Variants in PIK3C2B observed in about 807,000 individuals in gnomAD.
The protein encoded by PIK3C2B is phosphatidylinositol-4-phosphate 3-kinase catalytic subunit type 2 beta.
Under a neutral mutation model 184.3 loss-of-function variants are expected in PIK3C2B, and 83 were observed. The observed-to-expected ratio is 0.45, with a 90% CI of 0.38 to 0.54. PIK3C2B has a LOEUF of 0.54. PIK3C2B is among the 20% of genes least tolerant of loss of function. The pLI, the probability that PIK3C2B is intolerant of heterozygous loss-of-function variation, is 0.00. For missense variants in PIK3C2B, 1,736 were observed against 2,113.5 expected (o/e 0.82, Z 3.50); for synonymous variants, 779 against 837.6 (o/e 0.93, Z 1.21).
Position 204,466,059 on chromosome 1 carries a change from C to T in PIK3C2B, c.934-740G>A, listed in dbSNP as rs374522827. Among the ~76,000 whole-genome samples the T allele has an allele frequency of 6.8e-4, 104 of 152,326 alleles. No individual in the cohort carries two copies. The South Asian group carries it at 0.021, about 31-fold the overall frequency. ...TAGGATTCTCAGACAAGGTCCCAAA[C>T]GGTCTCCCATCCCAGAGCTGCTTTC... On this transcript the variant is annotated intron_variant, in intron 2 of 32. Transcript: ENST00000684373.
Position 204,469,393 on chromosome 1 carries a change from C to A in PIK3C2B, c.410G>T (p.Gly137Val), listed in dbSNP as rs1452677145. ...CCCTGGTCCTGGGGACGAAGAGACTCCCCCATCTGAACCATCAAAAATGTA... is the reference window on the plus strand; with the variant it reads ...CCCTGGTCCTGGGGACGAAGAGACTACCCCATCTGAACCATCAAAAATGTA... The part of the protein sequence containing the change: ...YLYIFDGSDG[G>V]VSSSPGPGDI... Residue 137 changes from glycine to valine, a missense_variant, in exon 2 of 33, where the codon GGA (glycine) becomes GTA (valine). Physicochemically the swap from Gly to Val is moderately radical, Grantham distance 109. Transcript: ENST00000684373. The A allele has an allele frequency of 2.0e-6, 3 of 1,537,476 alleles. No individual in the cohort carries two copies. Among genetic ancestry groups the A allele is most frequent in the Non-Finnish European group, 2.6e-6 (3 of 1,146,696 alleles).
At chr1:204,434,340 G>T in intron 24 of PIK3C2B, 99 bp downstream of exon 24, 1 of 1,066,302 alleles carries the variant, frequency 9.4e-7, no homozygotes, top group Non-Finnish European at 1.4e-6. Flanking sequence ...ATGATCTGAG[G>T]CCCAGCTGCT....
At chr1:204,431,837 C>A (rs753984039) in intron 27 of PIK3C2B, 44 bp from the exon 28 acceptor site, 1 of 1,613,432 alleles carries the variant, frequency 6.2e-7, no homozygotes, top group South Asian at 1.1e-5. Context: ...GAGCCCTCTG[C>A]ACCCAGTGAA....
intron 12 of PIK3C2B, among the ~76,000 whole-genome samples, chr1:204,450,284 C>G (rs369780596): frequency 6.6e-6 from 1 of 152,192 alleles, no homozygotes; most frequent in Non-Finnish European, 1.5e-5. Context: ...TGAAGCTACC[C>G]GTGGTGCCTG....
At chr1:204,428,084 A>G in intron 30 of PIK3C2B, 55 bp downstream of exon 30, 2 of 996,494 alleles carry the variant, frequency 2.0e-6, no homozygotes, top group Non-Finnish European at 1.6e-6. Flanking sequence ...AGAAGCAGTT[A>G]CCCTTGGGGT....
In PIK3C2B at chr1:204,455,852, T is replaced by C. The variant is rs376160285; in HGVS notation, c.1943+4A>G. The C allele has an allele frequency of 8.7e-5, 140 of 1,608,530 alleles. No homozygotes were observed. The African/African-American group carries it at 1.7e-3, about 20-fold the overall frequency. On this transcript the variant is annotated splice_donor_region_variant and intron_variant, in intron 11 of 32. Coordinates refer to ENST00000684373, the MANE Select transcript of PIK3C2B (RefSeq NM_001377334.1). ...CCCTAGCGGCTACTCAGCCCTGGGC[T>C]CACCTGGTAGCCCAGATGATGGGGA...
Position 204,433,883 on chromosome 1 carries a change from G to A in PIK3C2B, c.3753C>T (p.Ser1251=), listed in dbSNP as rs775014316. 2.5e-6 allele frequency: 4 copies of A among 1,614,056 alleles called. No individual in the cohort carries two copies. The highest frequency in any genetic ancestry group is 3.4e-6 in the Non-Finnish European group (4 of 1,179,930). ...AYVINGGDKP[S]SRFHDFVDLC... is the part of the protein sequence containing the mutation. ...GGTCAACAAAATCATGGAAGCGGCT[G>A]GAAGGCTTGTCACCCCCGTTGATGA... The change falls in exon 25 of 33, where the codon TCC becomes TCT. Residue 1251 remains serine (S), a synonymous_variant. Coordinates refer to ENST00000684373, the MANE Select transcript of PIK3C2B (RefSeq NM_001377334.1). The surrounding 1 kb of genome is among the most constrained non-coding windows in gnomAD (Gnocchi z 5.0).
chr1:204,428,382 A>G (rs932935044), intron 29 of PIK3C2B, among the ~76,000 whole-genome samples, 162 bp from the exon 30 acceptor site: 1 of 152,234 alleles, frequency 6.6e-6, no homozygotes, highest in African/African-American at 2.4e-5. Context: ...AGTAAAAGGA[A>G]TTTGGGGGAT....
chr1:204,475,014 C>G (rs1656607156), intron 1 of PIK3C2B, among the ~76,000 whole-genome samples: 1 of 152,074 alleles, frequency 6.6e-6, no homozygotes, highest in Non-Finnish European at 1.5e-5. Flanking sequence ...TTCCTTCTAT[C>G]CTAACTGTGG....
In PIK3C2B at chr1:204,472,468, G is replaced by A. The variant is rs373681628; in HGVS notation, c.-84-2582C>T. 3.2e-4 allele frequency among the ~76,000 whole-genome samples: 48 copies of A among 151,240 alleles called. 1 individual carries two copies. Among genetic ancestry groups the A allele is most frequent in the Non-Finnish European group, 6.2e-4 (42 of 67,738 alleles). ...GTGAGCCACCGCACCCGGCCCGACT[G>A]GGGGAAGTTTTAAAAAGTACCGAAG... On this transcript the variant is annotated intron_variant, in intron 1 of 32. Transcript: ENST00000684373.
chr1:204,482,052 A>G (rs1173527134), intron 1 of PIK3C2B, among the ~76,000 whole-genome samples: 5 of 148,698 alleles, frequency 3.4e-5, no homozygotes, highest in East Asian at 2.0e-4. Flanking sequence ...CCAACCCAAC[A>G]GGCCCTGGAA....
At chr1:204,455,373 A>G (rs1312797629) in intron 11 of PIK3C2B, among the ~76,000 whole-genome samples, 2 of 152,132 alleles carry the variant, frequency 1.3e-5, no homozygotes, top group African/African-American at 2.4e-5. Flanking sequence ...CCCAGTGCCT[A>G]TTCCCTCAGG....
intron 21 of PIK3C2B, among the ~76,000 whole-genome samples, 185 bp from the exon 22 acceptor site, chr1:204,440,506 T>C (rs973155898): frequency 6.6e-6 from 1 of 151,836 alleles, no homozygotes; most frequent in African/African-American, 2.4e-5. Flanking sequence ...AGTTTGCCCA[T>C]GTGTTGTTCC....
chr1:204,450,080 C>G, intron 12 of PIK3C2B, 63 bp from the exon 13 acceptor site: 1 of 1,407,618 alleles, frequency 7.1e-7, no homozygotes, highest in Non-Finnish European at 9.6e-7. Flanking sequence ...AACAGGTGGC[C>G]CAGGAAGTCA....
Position 204,433,817 on chromosome 1 carries a change from G to A in PIK3C2B, c.3819C>T (p.His1273=), listed in dbSNP as rs933356322. ...QAYNLIRKHT[H]LFLNLLGLML... ...CCAGGCCCAGAAGGTTGAGGAAGAG[G>A]TGGGTGTGCTTGCGAATGAGGTTGT... The change falls in exon 25 of 33, where the codon CAC becomes CAT. Residue 1273 remains histidine (H), a synonymous_variant. Transcript: ENST00000684373. This position sits in a 1 kb window ranked among gnomAD's most constrained non-coding sequence, Gnocchi z 5.0. 43 of 1,614,196 alleles carry A rather than the reference G, an allele frequency of 2.7e-5. No individual in the cohort carries two copies. Among genetic ancestry groups the A allele is most frequent in the Non-Finnish European group, 3.6e-5 (43 of 1,180,004 alleles).
intron 5 of PIK3C2B, among the ~76,000 whole-genome samples, chr1:204,462,013 C>T (rs896902293): frequency 3.3e-5 from 5 of 152,170 alleles, no homozygotes; most frequent in African/African-American, 9.7e-5. Flanking sequence ...GGTCTGGGGG[C>T]TGGGCCAGGA....
chr1:204,469,833 C>A lies in PIK3C2B; in HGVS notation c.-31G>T. Reference sequence around the variant, plus strand: ...GGATGGGGGACACAGGCAACAAAGTCTCTACTTCCTGCCAACGTCAGTTCT... The same window carrying A: ...GGATGGGGGACACAGGCAACAAAGTATCTACTTCCTGCCAACGTCAGTTCT... On this transcript the variant is annotated 5_prime_UTR_variant, in exon 2 of 33. Coordinates refer to ENST00000684373, the MANE Select transcript of PIK3C2B (RefSeq NM_001377334.1). 6.7e-7 allele frequency: 1 copy of A among 1,494,224 alleles called. No homozygotes were observed. The highest frequency in any genetic ancestry group is 1.1e-5 in the South Asian group (1 of 88,228). 92.6% of individuals were successfully genotyped at this position (1,494,224 alleles called of 1,614,324 possible).
intron 21 of PIK3C2B, 72 bp from the exon 22 acceptor site, chr1:204,440,393 A>C: frequency 5.4e-6 from 8 of 1,477,514 alleles, no homozygotes; most frequent in Non-Finnish European, 7.3e-6. Flanking sequence ...CCAAGTGCTC[A>C]ACCTTGGCCC....
At position 204,470,205 on chromosome 1, in the gene PIK3C2B, T is replaced by C. The variant is rs569569666; in HGVS notation, c.-84-319A>G. Among the ~76,000 whole-genome samples the C allele has an allele frequency of 2.1e-4, 32 of 150,322 alleles. No individual in the cohort carries two copies. The East Asian group carries it at 5.7e-3, about 27-fold the overall frequency. On this transcript the variant is annotated intron_variant, in intron 1 of 32. Coordinates refer to ENST00000684373, the MANE Select transcript of PIK3C2B (RefSeq NM_001377334.1). ...TTTTTTGAGATGGAGTCTCGCTGTG[T>C]CACCCAGGCTGGAATGCAATGGTGC...
Sources: gnomAD v4.1 joint callset for allele counts (sites outside exome capture counted in the v4.1 genomes callset) on GRCh38, gnomAD v4.1.1 for gene constraint, Gnocchi (gnomAD v3.1) non-coding constraint, MANE v1.5 for transcripts, NCBI Gene and HGNC (gene_info 2026-07-23, HGNC 2026-07-21) for gene names.